The following PIGR variants were observed in gnomAD, a reference collection of about 807,000 sequenced individuals.
PIGR encodes the protein polymeric immunoglobulin receptor.
A neutral mutation model predicts 69.5 loss-of-function variants in PIGR; 22 were observed. The observed-to-expected ratio is 0.32, with a 90% CI of 0.23 to 0.45. PIGR has a LOEUF of 0.45. PIGR is among the 20% of genes least tolerant of loss of function. The pLI is 1.00. For synonymous variants in PIGR, 413 were observed against 407.6 expected (o/e 1.01, Z -0.16); for missense variants, 885 against 974.0 (o/e 0.91, Z 1.22).
Position 206,928,983 on chromosome 1 carries a change from C to T in PIGR, c.*1335G>A, listed in dbSNP as rs1679670484. The T allele has an allele frequency of 6.6e-6, 1 of 151,058 alleles. No individual in the cohort carries two copies. Among genetic ancestry groups the T allele is most frequent in the Admixed American group, 6.6e-5 (1 of 15,056 alleles). 9.4% of individuals were successfully genotyped at this position (151,058 alleles called of 1,614,324 possible). ...TCAGTGGCTCATGCCTATATAATCC[C>T]AGTACTTTGAGAAGCTGAGGCGGCA... is the stretch of plus-strand genomic sequence containing the variant. On this transcript the variant is annotated 3_prime_UTR_variant, in exon 11 of 11. Transcript: ENST00000356495.
Position 206,930,278 on chromosome 1 carries a change from G to A in PIGR, c.*40C>T. Reference sequence around the variant, plus strand: ...GCCCCAGGATCGACATGATTCTGAAGGTGATTGTCATGGGTGCAGGGAGCA... The same window carrying A: ...GCCCCAGGATCGACATGATTCTGAAAGTGATTGTCATGGGTGCAGGGAGCA... On this transcript the variant is annotated 3_prime_UTR_variant, in exon 11 of 11. Coordinates refer to ENST00000356495, the MANE Select transcript of PIGR (RefSeq NM_002644.4). This position sits in a 1 kb window ranked among gnomAD's most constrained non-coding sequence, Gnocchi z 4.3. The A allele has an allele frequency of 6.4e-7, 1 of 1,555,770 alleles. No individual in the cohort carries two copies. The highest frequency in any genetic ancestry group is 8.8e-7 in the Non-Finnish European group (1 of 1,141,612).
At chr1:206,939,015 C>G in intron 3 of PIGR, 104 bp downstream of exon 3, 2 of 1,034,658 alleles carry the variant, frequency 1.9e-6, no homozygotes, top group Admixed American at 2.3e-5. Flanking sequence ...GACCCCCAAC[C>G]CGGCTACACA....
rs887288309 is a variant in PIGR, at chr1:206,935,897, G to A, written c.1046-79C>T. 24 of 1,088,998 alleles carry A rather than the reference G, an allele frequency of 2.2e-5. No individual in the cohort carries two copies. The highest frequency in any genetic ancestry group is 2.7e-5 in the Non-Finnish European group (20 of 751,764). 67.5% of individuals were successfully genotyped at this position (1,088,998 alleles called of 1,614,324 possible). A position where few individuals can be genotyped will look rare whatever the true frequency, so the allele number is the denominator to read the frequency against. ...GCGTGGCCTGAGAAGCCTTCTTCCCGGGGTCTCAGCCAGGATGGGGAGTGA... is the reference window on the plus strand; with the variant it reads ...GCGTGGCCTGAGAAGCCTTCTTCCCAGGGTCTCAGCCAGGATGGGGAGTGA... On this transcript the variant is annotated intron_variant, in intron 4 of 10. Transcript: ENST00000356495. This position sits in a 1 kb window ranked among gnomAD's most constrained non-coding sequence, Gnocchi z 4.4.
chr1:206,938,699 A>T (rs1679917385), intron 3 of PIGR, among the ~76,000 whole-genome samples: 1 of 152,216 alleles, frequency 6.6e-6, no homozygotes, highest in African/African-American at 2.4e-5. Flanking sequence ...TATGCATTTT[A>T]CAAGAAGCCT....
rs765015616 is a variant in PIGR, at chr1:206,939,258, G to T, written c.249C>A (p.Asn83Lys). The T allele has an allele frequency of 6.2e-7, 1 of 1,614,118 alleles. No homozygotes were observed. The highest frequency in any genetic ancestry group is 8.5e-7 in the Non-Finnish European group (1 of 1,180,050). Residue 83 changes from asparagine (N) to lysine (K), a missense_variant, in exon 3 of 11, where the codon AAC (asparagine) becomes AAA (lysine). Transcript: ENST00000356495. ...TGCCGTTCTCCGGGAAGTTGGTGAG[G>T]TTAGCCCTGCCTGCATATTTGCTGG... ...YVSSKYAGRA[N>K]LTNFPENGTF...
Position 206,930,279 on chromosome 1 carries a change from G to T in PIGR, c.*39C>A, listed in dbSNP as rs1402430225. ...CCCCAGGATCGACATGATTCTGAAGGTGATTGTCATGGGTGCAGGGAGCAG... is the reference window on the plus strand; with the variant it reads ...CCCCAGGATCGACATGATTCTGAAGTTGATTGTCATGGGTGCAGGGAGCAG... On this transcript the variant is annotated 3_prime_UTR_variant, in exon 11 of 11. Coordinates refer to ENST00000356495, the MANE Select transcript of PIGR (RefSeq NM_002644.4). The surrounding 1 kb of genome is among the most constrained non-coding windows in gnomAD (Gnocchi z 4.3). 6.4e-7 allele frequency: 1 copy of T among 1,556,618 alleles called. No homozygotes were observed. The highest frequency in any genetic ancestry group is 1.8e-5 in the Admixed American group (1 of 55,258).
chr1:206,944,892 G>C (rs1052989734), intron 1 of PIGR, among the ~76,000 whole-genome samples: 1 of 152,140 alleles, frequency 6.6e-6, no homozygotes, highest in African/African-American at 2.4e-5. Context: ...ACGGTGTCTT[G>C]GTTTCCTCAA....
chr1:206,943,927 C>A (rs1446120176), intron 1 of PIGR, among the ~76,000 whole-genome samples: 3 of 152,146 alleles, frequency 2.0e-5, no homozygotes, highest in Admixed American at 2.0e-4. Context: ...AAATGGGCAA[C>A]CCCATTTCAT....
At chr1:206,943,134 G>A (rs1680028930) in intron 1 of PIGR, among the ~76,000 whole-genome samples, 1 of 152,144 alleles carries the variant, frequency 6.6e-6, no homozygotes, top group Non-Finnish European at 1.5e-5. Context: ...GCTTAAGGAA[G>A]GAAGAAAAAG....
At chr1:206,941,203 C>T (rs1679978102) in intron 1 of PIGR, among the ~76,000 whole-genome samples, 1 of 152,066 alleles carries the variant, frequency 6.6e-6, no homozygotes, top group Admixed American at 6.5e-5. Flanking sequence ...TATCCACATT[C>T]ACATGGGAGG....
In PIGR at chr1:206,939,331, C is replaced by A. The variant is rs1328630978; in HGVS notation, c.176G>T (p.Gly59Val). 6.2e-7 allele frequency: 1 copy of A among 1,614,232 alleles called. No homozygotes were observed. The highest frequency in any genetic ancestry group is 8.5e-7 in the Non-Finnish European group (1 of 1,180,040). Residue 59 changes from glycine to valine, a missense_variant, in exon 3 of 11, where the codon GGA becomes GTA. Gly to Val is a moderately radical substitution (Grantham distance 109, BLOSUM62 -3). Transcript: ENST00000356495. ...RHTRKYWCRQ[G>V]ARGGCITLIS... The stretch of plus-strand genomic sequence containing the variant: ...GAGGGTTATGCAGCCACCTCTAGCT[C>A]CCTGCCGGCACCAGTACTTCCGGGT...
chr1:206,937,619 A>G lies in PIGR; in HGVS notation c.521T>C (p.Val174Ala), dbSNP rs1406482179. 5.6e-6 allele frequency: 9 copies of G among 1,613,882 alleles called. No homozygotes were observed. Among genetic ancestry groups the G allele is most frequent in the Non-Finnish European group, 6.8e-6 (8 of 1,179,888 alleles). Residue 174 changes from valine (V) to alanine (A), a missense_variant, in exon 4 of 11, where the codon GTG becomes GCG. Transcript: ENST00000356495. ...SLYKQIGLYP[V>A]LVIDSSGYVN... ...ATAACCACTGGAGTCGATGACCAGC[A>G]CAGGGTACAGGCCTATCTGCTTGTA...
At chr1:206,932,065 C>T (rs1054784973) in intron 8 of PIGR, among the ~76,000 whole-genome samples, 8 of 152,158 alleles carry the variant, frequency 5.3e-5, no homozygotes, top group African/African-American at 1.9e-4. Flanking sequence ...CTCACATCAG[C>T]CCCGTGAGGT....
Position 206,937,759 on chromosome 1 carries a change from A to G in PIGR, c.389-8T>C, listed in dbSNP as rs754884383. 2.0e-5 allele frequency: 32 copies of G among 1,613,216 alleles called. No individual in the cohort carries two copies. In the Middle Eastern group the frequency reaches 6.6e-4, roughly 33 times the overall value. Reference sequence around the variant, plus strand: ...CATTTAGGAGCCCAGGACCTGCAGGATGAGGGGTGCAAGGTAGGGGGCAGG... The same window carrying G: ...CATTTAGGAGCCCAGGACCTGCAGGGTGAGGGGTGCAAGGTAGGGGGCAGG... On this transcript the variant is annotated splice_polypyrimidine_tract_variant and splice_region_variant and intron_variant, in intron 3 of 10. Transcript: ENST00000356495.
chr1:206,932,356 A>C, intron 8 of PIGR, 100 bp downstream of exon 8: 22 of 1,354,082 alleles, frequency 1.6e-5, no homozygotes, highest in Non-Finnish European at 2.2e-5. Flanking sequence ...GTTTTAGCTC[A>C]TGAAAAAGAA....
rs1196226610 is a variant in PIGR at position 206,933,015 on chromosome 1, A to T, written c.1857T>A (p.Asp619Glu). The T allele has an allele frequency of 6.2e-7, 1 of 1,614,068 alleles. No individual in the cohort carries two copies. The highest frequency in any genetic ancestry group is 1.3e-5 in the African/African-American group (1 of 74,940). ...KAVADTRDQA[D>E]GSRASVDSGS... Reference sequence around the variant, plus strand: ...CGGAATCCACAGATGCTCTGCTCCCATCGGCTTGATCTCTTGTATCTGCCA... The same window carrying T: ...CGGAATCCACAGATGCTCTGCTCCCTTCGGCTTGATCTCTTGTATCTGCCA... Residue 619 changes from aspartate (D) to glutamate (E), a missense_variant, in exon 7 of 11, where the codon GAT becomes GAA. Asp to Glu is a conservative substitution (Grantham distance 45). Transcript: ENST00000356495.
intron 1 of PIGR, among the ~76,000 whole-genome samples, chr1:206,943,032 C>T (rs1680025134): frequency 6.6e-6 from 1 of 152,200 alleles, no homozygotes; most frequent in African/African-American, 2.4e-5. Context: ...ACCCCTTCCT[C>T]TCAAAACCAG....
At chr1:206,942,555 C>T (rs764037394) in intron 1 of PIGR, among the ~76,000 whole-genome samples, 1 of 152,208 alleles carries the variant, frequency 6.6e-6, no homozygotes, top group African/African-American at 2.4e-5. Flanking sequence ...TTGTTCCTGT[C>T]CTCACCTCTA....
rs186784926 is a variant in PIGR at position 206,934,963 on chromosome 1, A to G, written c.1379-217T>C. 1.9e-4 allele frequency among the ~76,000 whole-genome samples: 29 copies of G among 152,240 alleles called. No individual in the cohort carries two copies. In the East Asian group the frequency reaches 5.4e-3, roughly 28 times the overall value. On this transcript the variant is annotated intron_variant, in intron 5 of 10. Coordinates refer to ENST00000356495, the MANE Select transcript of PIGR (RefSeq NM_002644.4). ...AGCCTCCATCTCCTGGGCTCAAGCA[A>G]TCTTCCTGTCTTGGCCTCCCAAGGT...
Sources: gnomAD v4.1 joint callset for allele counts (sites outside exome capture counted in the v4.1 genomes callset) on GRCh38, gnomAD v4.1.1 for gene constraint, Gnocchi (gnomAD v3.1) non-coding constraint, MANE v1.5 for transcripts, NCBI Gene and HGNC (gene_info 2026-07-23, HGNC 2026-07-21) for gene names.